Variants in ZSWIM7 observed in about 807,000 individuals in gnomAD.
ZSWIM7 encodes the protein zinc finger SWIM-type containing 7.
In ZSWIM7, 22 loss-of-function variants were observed where a neutral mutation model predicts 21.1. The ratio of observed to expected loss-of-function variants is 1.04; its 90% CI spans 0.74 to 1.49. ZSWIM7 has a LOEUF of 1.49. Among genes scored for constraint, ZSWIM7 ranks in the 40% most tolerant of loss-of-function variants. The pLI, the probability that ZSWIM7 is intolerant of heterozygous loss-of-function variation, is 0.00. For missense variants in ZSWIM7, 193 were observed against 168.0 expected (o/e 1.15, Z -0.82); for synonymous variants, 67 against 66.5 (o/e 1.01, Z -0.04).
intron 1 of ZSWIM7, among the ~76,000 whole-genome samples, chr17:15,999,185 C>A (rs1970624111): frequency 6.6e-6 from 1 of 152,214 alleles, no homozygotes; most frequent in African/African-American, 2.4e-5. Context: ...ACTGTAGGCT[C>A]CCGTCCCTTC....
In ZSWIM7 at chr17:15,993,795, G is replaced by GA. The variant is rs760681581; in HGVS notation, c.77-18dup. 3.8e-4 allele frequency: 562 copies of GA among 1,481,590 alleles called. No homozygotes were observed. Among genetic ancestry groups the GA allele is most frequent in the East Asian group, 2.8e-3 (121 of 43,174 alleles). The allele number at this position is 1,481,590 out of a possible 1,614,324, so 91.8% of individuals were successfully genotyped here. On this transcript the variant is annotated splice_polypyrimidine_tract_variant and intron_variant, in intron 1 of 4. Transcript: ENST00000399277. ...CATCAGGAACTGTAAAATGAGAATG[G>GA]AAAAAAAAAGTTAATCATATTAAGC...
Position 15,999,508 on chromosome 17 carries a change from C to T in ZSWIM7, c.76+11G>A, listed in dbSNP as rs376486235. ...CCCATGGCGCAGCCACACACGACCTCGGTCCCGTACTTCGCGCGCTCTCCT... is the reference window on the plus strand; with the variant it reads ...CCCATGGCGCAGCCACACACGACCTTGGTCCCGTACTTCGCGCGCTCTCCT... On this transcript the variant is annotated intron_variant, in intron 1 of 4. Transcript: ENST00000399277. 6.3e-6 allele frequency: 10 copies of T among 1,598,002 alleles called. No homozygotes were observed. Among genetic ancestry groups the T allele is most frequent in the South Asian group, 3.3e-5 (3 of 90,564 alleles).
In ZSWIM7 at chr17:15,999,693, G is replaced by T; in HGVS notation, c.-99C>A. The T allele has an allele frequency of 2.6e-6, 4 of 1,554,326 alleles. No homozygotes were observed. In the African/African-American group the frequency reaches 4.1e-5, roughly 16 times the overall value. ...GATCCTGACCCCCCGCCGGGGCAGGGCGAGACGGAGTGACGTCGGGGCGCG... is the reference window on the plus strand; with the variant it reads ...GATCCTGACCCCCCGCCGGGGCAGGTCGAGACGGAGTGACGTCGGGGCGCG... On this transcript the variant is annotated 5_prime_UTR_variant, in exon 1 of 5. Transcript: ENST00000399277.
intron 1 of ZSWIM7, among the ~76,000 whole-genome samples, chr17:15,994,718 T>C (rs1176331244): frequency 6.6e-6 from 1 of 152,168 alleles, no homozygotes; most frequent in Non-Finnish European, 1.5e-5. Flanking sequence ...TTCCCTAACA[T>C]GGCTCCCATA....
chr17:15,993,657 C>A (rs375485691), intron 2 of ZSWIM7, 100 bp downstream of exon 2: 2 of 955,846 alleles, frequency 2.1e-6, no homozygotes, highest in Admixed American at 2.4e-5. Context: ...TGAGCCACTG[C>A]GCCCGGTCAA....
chr17:15,981,978 A>G (rs1408291234), intron 3 of ZSWIM7, among the ~76,000 whole-genome samples: 1 of 152,212 alleles, frequency 6.6e-6, no homozygotes, highest in Admixed American at 6.5e-5. Flanking sequence ...AAAGCATTTG[A>G]GAGCAGAGAG....
chr17:15,981,083 G>T lies in ZSWIM7; in HGVS notation c.263C>A (p.Pro88His), dbSNP rs1052296855. ...CLASCHYCSC[P>H]AFAFSVLRKS... is the part of the protein sequence containing the mutation. ...CCGTAGCACTGAGAATGCAAATGCA[G>T]GACATGAACAGTAATGACAAGAAGC... The change falls in exon 4 of 5, where the codon CCT becomes CAT. Residue 88 changes from proline (P) to histidine (H), a missense_variant. Coordinates refer to ENST00000399277, the MANE Select transcript of ZSWIM7 (RefSeq NM_001042697.2). 1.2e-6 allele frequency: 2 copies of T among 1,613,890 alleles called. No homozygotes were observed. Among genetic ancestry groups the T allele is most frequent in the Admixed American group, 1.7e-5 (1 of 60,012 alleles).
chr17:15,991,201 T>TTTTTTTTTTTTTTTTTTTGAGACGG (rs1567571155), intron 2 of ZSWIM7: 7 of 151,886 alleles, frequency 4.6e-5, no homozygotes, highest in African/African-American at 1.7e-4. Flanking sequence ...ATATCACTTT[T>TTTTTTTTTTTTTTTTTTTGAGACGG]AATGGTTACA....
rs143207584 is a variant in ZSWIM7, at chr17:15,993,747, A to G, written c.98+10T>C. ...AAAAAAAAATCAAATACAACAGTAT[A>G]TGTACTTACGATAACAGATATTCAT... On this transcript the variant is annotated intron_variant, in intron 2 of 4. Coordinates refer to ENST00000399277, the MANE Select transcript of ZSWIM7 (RefSeq NM_001042697.2). The G allele has an allele frequency of 2.7e-6, 4 of 1,483,480 alleles. 1 individual carries two copies. The East Asian group carries it at 9.2e-5, about 34-fold the overall frequency. 91.9% of individuals were successfully genotyped at this position (1,483,480 alleles called of 1,614,324 possible). A position where few individuals can be genotyped will look rare whatever the true frequency, so the allele number is the denominator to read the frequency against.
At chr17:15,992,463 G>C (rs1354393233) in intron 2 of ZSWIM7, among the ~76,000 whole-genome samples, 1 of 119,274 alleles carries the variant, frequency 8.4e-6, no homozygotes, top group African/African-American at 3.5e-5. Flanking sequence ...TTTTGAGATA[G>C]AGTTTCGCTT....
intron 4 of ZSWIM7, among the ~76,000 whole-genome samples, chr17:15,978,423 C>G (rs1240677286): frequency 6.6e-6 from 1 of 152,076 alleles, no homozygotes; most frequent in Non-Finnish European, 1.5e-5. Context: ...TATGGCAAAA[C>G]CCTGTCTCCA....
rs759592679 is a variant in ZSWIM7 at position 15,981,130 on chromosome 17, G to A, written c.216C>T (p.Ser72=). Residue 72 remains serine, a synonymous_variant, in exon 4 of 5, where the codon TCC becomes TCT. Coordinates refer to ENST00000399277, the MANE Select transcript of ZSWIM7 (RefSeq NM_001042697.2). ...AAGCCAAACATGTGTATGTTTTACT[G>A]GAACTTCCAAGGACCTACAAAGAAA... ...GRRVYQVLGS[S]SKTYTCLASC... is the part of the protein sequence containing the mutation. 6.2e-7 allele frequency: 1 copy of A among 1,613,398 alleles called. No individual in the cohort carries two copies. Among genetic ancestry groups the A allele is most frequent in the South Asian group, 1.1e-5 (1 of 91,028 alleles).
intron 4 of ZSWIM7, among the ~76,000 whole-genome samples, chr17:15,979,157 C>T (rs923723273): frequency 6.6e-6 from 1 of 151,468 alleles, no homozygotes; most frequent in East Asian, 1.9e-4. Context: ...GTTTGTGTCC[C>T]TGGGTACTTG....
Position 15,999,591 on chromosome 17 carries a change from C to A in ZSWIM7, c.4G>T (p.Ala2Ser). The A allele has an allele frequency of 6.3e-7, 1 of 1,576,980 alleles. No individual in the cohort carries two copies. The highest frequency in any genetic ancestry group is 8.6e-7 in the Non-Finnish European group (1 of 1,162,696). ...TCCACAACCGCCGGCAACACTACGG[C>A]CATCGCGCCGCAGGACACGCCCTCC... The part of the protein sequence containing the change: M[A>S]VVLPAVVEEL... Residue 2 changes from alanine to serine, a missense_variant, in exon 1 of 5, where the codon GCC becomes TCC. Coordinates refer to ENST00000399277, the MANE Select transcript of ZSWIM7 (RefSeq NM_001042697.2).
chr17:15,979,639 C>CGAATG, intron 4 of ZSWIM7, among the ~76,000 whole-genome samples: 1 of 133,216 alleles, frequency 7.5e-6, no homozygotes, highest in African/African-American at 2.9e-5. Flanking sequence ...ACCTCCCTCC[C>CGAATG]GGACGGGGCG....
intron 2 of ZSWIM7, among the ~76,000 whole-genome samples, chr17:15,991,278 CTA>C (rs1448880835): frequency 6.6e-5 from 10 of 151,968 alleles, no homozygotes; most frequent in African/African-American, 2.4e-4. Flanking sequence ...TAGATTGTTT[CTA>C]TGTTTTATTG....
intron 1 of ZSWIM7, 117 bp from the exon 2 acceptor site, chr17:15,993,895 T>G (rs753802175): frequency 4.5e-5 from 32 of 704,300 alleles, no homozygotes; most frequent in Non-Finnish European, 7.8e-5. Flanking sequence ...CAACTGAACC[T>G]ATGCATCTGG....
chr17:15,988,074 T>G (rs1970437491), intron 2 of ZSWIM7, among the ~76,000 whole-genome samples: 1 of 152,170 alleles, frequency 6.6e-6, no homozygotes, highest in South Asian at 2.1e-4. Flanking sequence ...ATATTATATA[T>G]AGAACATATG....
chr17:15,978,266 G>C (rs1970303784), intron 4 of ZSWIM7, 103 bp from the exon 5 acceptor site: 1 of 824,604 alleles, frequency 1.2e-6, no homozygotes, highest in Admixed American at 1.8e-5. Context: ...GAGAAGACTA[G>C]AGCATACAGA....
Sources: gnomAD v4.1 joint callset for allele counts (sites outside exome capture counted in the v4.1 genomes callset) on GRCh38, gnomAD v4.1.1 for gene constraint, MANE v1.5 for transcripts, NCBI Gene and HGNC (gene_info 2026-07-23, HGNC 2026-07-21) for gene names.